CADPS2: variants seen among roughly 807,000 people sequenced by gnomAD.
CADPS2 encodes the protein calcium-dependent secretion activator 2.
In CADPS2, 93 loss-of-function variants were observed where a neutral mutation model predicts 172.5. The observed-to-expected ratio is 0.54, with a 90% CI of 0.46 to 0.64. The LOEUF (loss-of-function observed/expected upper bound fraction) is 0.64, where lower values mean the gene tolerates loss of function less well. Ranked by LOEUF, CADPS2 falls within the 30% of genes least tolerant of loss-of-function variation. The probability of loss-of-function intolerance (pLI) is 0.00; values close to 1 mark genes in which losing one functional copy is unlikely to be tolerated. For missense variants in CADPS2, 1,420 were observed against 1,565.9 expected (o/e 0.91, Z 1.57); for synonymous variants, 546 against 555.2 (o/e 0.98, Z 0.23).
intron 6 of CADPS2, among the ~76,000 whole-genome samples, chr7:122,611,069 G>A (rs555165847): frequency 2.6e-5 from 4 of 152,132 alleles, no homozygotes; most frequent in East Asian, 1.9e-4. Flanking sequence ...CTAAAGCAGC[G>A]CTTAGAGGGA....
chr7:122,465,836 A>C (rs2055062844), intron 14 of CADPS2, among the ~76,000 whole-genome samples: 1 of 152,168 alleles, frequency 6.6e-6, no homozygotes, highest in Non-Finnish European at 1.5e-5. Flanking sequence ...TAGATACCCA[A>C]TCCTGATAAA....
intron 2 of CADPS2, chr7:122,698,963 C>T (rs759878094): frequency 2.3e-6 from 3 of 1,297,338 alleles, no homozygotes; most frequent in Non-Finnish European, 3.2e-6. Flanking sequence ...AACAGTTGCA[C>T]ATCTGTTGAC....
intron 1 of CADPS2, among the ~76,000 whole-genome samples, chr7:122,864,056 T>C (rs1277171564): frequency 1.3e-5 from 2 of 151,842 alleles, no homozygotes; most frequent in Middle Eastern, 3.2e-3. Context: ...AAAGTGTAGA[T>C]AGAGATCTTC....
At chr7:122,651,214 A>G (rs1404347335) in intron 3 of CADPS2, among the ~76,000 whole-genome samples, 1 of 151,748 alleles carries the variant, frequency 6.6e-6, no homozygotes. Flanking sequence ...TAGACACATT[A>G]CTGTATGTTA....
intron 8 of CADPS2, among the ~76,000 whole-genome samples, chr7:122,528,783 T>C (rs1323596237): frequency 6.6e-6 from 1 of 152,160 alleles, no homozygotes; most frequent in East Asian, 1.9e-4. Flanking sequence ...AAGTTTTGGA[T>C]ATTTTTTGTT....
rs755013018 is a variant in CADPS2 at position 122,702,212 on chromosome 7, C to G, written c.453+34743G>C. 129 of 1,613,658 alleles carry G rather than the reference C, an allele frequency of 8.0e-5. No homozygotes were observed. Among genetic ancestry groups the G allele is most frequent in the Non-Finnish European group, 1.1e-4 (125 of 1,179,778 alleles). ...GCTCACCCACTGCATGTGCATTCTCCCCACTTCAATGATGACTGTCACATA... is the reference window on the plus strand; with the variant it reads ...GCTCACCCACTGCATGTGCATTCTCGCCACTTCAATGATGACTGTCACATA... On this transcript the variant is annotated intron_variant, in intron 2 of 29. Coordinates refer to ENST00000449022, the MANE Select transcript of CADPS2 (RefSeq NM_017954.11).
chr7:122,427,805 TA>T (rs1480777663), intron 17 of CADPS2, among the ~76,000 whole-genome samples: 1 of 152,182 alleles, frequency 6.6e-6, no homozygotes, highest in Non-Finnish European at 1.5e-5. Context: ...TCAAGTTCTT[TA>T]AAAAACTAGA....
At chr7:122,861,749 C>T (rs1426064487) in intron 1 of CADPS2, among the ~76,000 whole-genome samples, 1 of 152,242 alleles carries the variant, frequency 6.6e-6, no homozygotes, top group Non-Finnish European at 1.5e-5. Context: ...GATCATTACG[C>T]ACTATGCGTA....
chr7:122,362,920 G>A (rs1461673769), intron 25 of CADPS2, among the ~76,000 whole-genome samples: 7 of 152,154 alleles, frequency 4.6e-5, no homozygotes, highest in Non-Finnish European at 1.0e-4. Context: ...GCGACATGAT[G>A]TAAGAACACA....
At chr7:122,724,375 T>C (rs2090857143) in intron 2 of CADPS2, among the ~76,000 whole-genome samples, 1 of 151,888 alleles carries the variant, frequency 6.6e-6, no homozygotes, top group Non-Finnish European at 1.5e-5. Flanking sequence ...TAGTGTCTAG[T>C]ATATGTTCAG....
chr7:122,483,235 G>C (rs1342768221), intron 11 of CADPS2, among the ~76,000 whole-genome samples: 1 of 151,982 alleles, frequency 6.6e-6, no homozygotes, highest in Non-Finnish European at 1.5e-5. Context: ...GTGTTAAAGA[G>C]AAAAATCTTT....
At chr7:122,829,067 G>C (rs896551768) in intron 1 of CADPS2, among the ~76,000 whole-genome samples, 1 of 152,026 alleles carries the variant, frequency 6.6e-6, no homozygotes, top group Non-Finnish European at 1.5e-5. Flanking sequence ...ATCTCTAAAT[G>C]AACATTCTAA....
intron 1 of CADPS2, among the ~76,000 whole-genome samples, chr7:122,777,453 CA>C (rs1471114003): frequency 1.3e-5 from 2 of 152,106 alleles, no homozygotes; most frequent in African/African-American, 4.8e-5. Context: ...AACTTGATCA[CA>C]AGTAATTGCA....
intron 14 of CADPS2, among the ~76,000 whole-genome samples, chr7:122,457,978 A>G (rs1459631932): frequency 2.0e-5 from 3 of 152,190 alleles, no homozygotes; most frequent in Admixed American, 6.5e-5. Context: ...CTCATCAGGT[A>G]AGTTTGTCCT....
intron 1 of CADPS2, among the ~76,000 whole-genome samples, chr7:122,750,880 G>A (rs1247349688): frequency 6.6e-6 from 1 of 152,120 alleles, no homozygotes; most frequent in Non-Finnish European, 1.5e-5. Flanking sequence ...GGGATTTTCT[G>A]GAGATGGTAA....
At chr7:122,837,970 C>G (rs1171400001) in intron 1 of CADPS2, among the ~76,000 whole-genome samples, 1 of 151,914 alleles carries the variant, frequency 6.6e-6, no homozygotes, top group Non-Finnish European at 1.5e-5. Flanking sequence ...GGCAGAGACA[C>G]AACAAAAAAA....
At chr7:122,615,753 A>T (rs1386780892) in intron 5 of CADPS2, among the ~76,000 whole-genome samples, 1 of 152,078 alleles carries the variant, frequency 6.6e-6, no homozygotes, top group Non-Finnish European at 1.5e-5. Context: ...CACTGATATC[A>T]ATATGTGATA....
Position 122,795,168 on chromosome 7 carries a change from T to C in CADPS2, c.340-58100A>G, listed in dbSNP as rs538459602. On this transcript the variant is annotated intron_variant, in intron 1 of 29. Coordinates refer to ENST00000449022, the MANE Select transcript of CADPS2 (RefSeq NM_017954.11). The stretch of plus-strand genomic sequence containing the variant: ...GACATAAAAAAAAAAATTCAAAAGA[T>C]CAACAAATCCAGGAGCAATTTTTTT... Among the ~76,000 whole-genome samples the C allele has an allele frequency of 1.3e-3, 197 of 150,616 alleles. 1 individual carries two copies. The highest frequency in any genetic ancestry group is 2.1e-3 in the Non-Finnish European group (141 of 67,650).
At chr7:122,849,285 G>A (rs1318087899) in intron 1 of CADPS2, among the ~76,000 whole-genome samples, 1 of 152,114 alleles carries the variant, frequency 6.6e-6, no homozygotes, top group Non-Finnish European at 1.5e-5. Context: ...TAAAATATCT[G>A]GAGGAAACTA....
Sources: allele counts gnomAD v4.1 joint callset (sites outside exome capture counted in the v4.1 genomes callset), GRCh38; gene constraint gnomAD v4.1.1; transcripts MANE v1.5; gene names NCBI Gene and HGNC (gene_info 2026-07-23, HGNC 2026-07-21).